The following MARCHF1 variants were observed in gnomAD, a reference collection of about 807,000 sequenced individuals.
The protein encoded by MARCHF1 is membrane associated ring-CH-type finger 1.
MARCHF1 carries 40 observed loss-of-function variants against 54.2 expected under a neutral mutation model. That is an observed-to-expected ratio of 0.74 (90% CI 0.57 to 0.96). MARCHF1 has a LOEUF of 0.96. MARCHF1 is among the 40% of genes least tolerant of loss of function. MARCHF1 has a pLI of 0.00. For synonymous variants in MARCHF1, 236 were observed against 236.3 expected (o/e 1.00, Z 0.01); for missense variants, 586 against 656.5 (o/e 0.89, Z 1.17).
intron 9 of MARCHF1, among the ~76,000 whole-genome samples, chr4:163,535,765 T>C (rs1738508883): frequency 3.3e-5 from 5 of 151,948 alleles, no homozygotes; most frequent in Admixed American, 3.3e-4. Flanking sequence ...TTTTTTTTTT[T>C]TTCTTAAGTT....
intron 8 of MARCHF1, among the ~76,000 whole-genome samples, chr4:163,569,472 T>A (rs941691451): frequency 2.0e-5 from 3 of 152,210 alleles, no homozygotes; most frequent in African/African-American, 7.2e-5. Flanking sequence ...TAACTTATAG[T>A]GTAAACATAC....
intron 1 of MARCHF1, among the ~76,000 whole-genome samples, chr4:164,330,367 A>G (rs1376355483): frequency 6.6e-6 from 1 of 151,990 alleles, no homozygotes; most frequent in Non-Finnish European, 1.5e-5. Context: ...GTTAGGAAGA[A>G]ATTCCGAAGT....
intron 4 of MARCHF1, among the ~76,000 whole-genome samples, chr4:163,774,145 G>A (rs1028226848): frequency 1.3e-5 from 2 of 152,046 alleles, no homozygotes; most frequent in African/African-American, 4.8e-5. Context: ...CATATAACCT[G>A]TGCATATCCT....
intron 2 of MARCHF1, among the ~76,000 whole-genome samples, chr4:164,031,920 T>C (rs1241191239): frequency 6.6e-6 from 1 of 152,222 alleles, no homozygotes; most frequent in African/African-American, 2.4e-5. Flanking sequence ...CAGCTCCTCT[T>C]TGTACCTCTG....
intron 1 of MARCHF1, among the ~76,000 whole-genome samples, chr4:164,150,698 T>C (rs1729910586): frequency 1.3e-5 from 2 of 152,138 alleles, no homozygotes; most frequent in South Asian, 4.1e-4. Context: ...GACATGAAAA[T>C]AGAATAGTTC....
chr4:164,209,253 T>G (rs1037618728), intron 1 of MARCHF1, among the ~76,000 whole-genome samples: 1 of 152,122 alleles, frequency 6.6e-6, no homozygotes, highest in Non-Finnish European at 1.5e-5. Flanking sequence ...CTCCTCCAAA[T>G]AGTAATTCAG....
chr4:163,975,196 T>TCA (rs1176500866), intron 3 of MARCHF1, among the ~76,000 whole-genome samples: 71 of 119,232 alleles, frequency 6.0e-4, no homozygotes, highest in African/African-American at 2.3e-3. Context: ...TCTCTCTCTC[T>TCA]CACACACACA....
At chr4:163,984,109 A>G (rs1160320189) in intron 3 of MARCHF1, among the ~76,000 whole-genome samples, 1 of 152,110 alleles carries the variant, frequency 6.6e-6, no homozygotes, top group African/African-American at 2.4e-5. Context: ...CTCTACCAAA[A>G]GAGATTCCCC....
At chr4:164,086,359 CT>C (rs1212963610) in intron 2 of MARCHF1, among the ~76,000 whole-genome samples, 1 of 151,786 alleles carries the variant, frequency 6.6e-6, no homozygotes, top group Admixed American at 6.6e-5. Flanking sequence ...TTGAGGAAAA[CT>C]TTTGTTTCAA....
At chr4:164,116,348 T>C (rs1033887343) in intron 1 of MARCHF1, among the ~76,000 whole-genome samples, 1 of 152,188 alleles carries the variant, frequency 6.6e-6, no homozygotes, top group Non-Finnish European at 1.5e-5. Flanking sequence ...GTCTGCAAAC[T>C]TTTTTCATAA....
intron 1 of MARCHF1, among the ~76,000 whole-genome samples, chr4:164,229,118 CG>C (rs1251988758): frequency 2.0e-5 from 3 of 152,100 alleles, no homozygotes; most frequent in African/African-American, 7.2e-5. Context: ...CTTTTATCAA[CG>C]GAAGTATTAC....
intron 2 of MARCHF1, among the ~76,000 whole-genome samples, chr4:164,083,748 C>A (rs1217686299): frequency 6.6e-6 from 1 of 151,986 alleles, no homozygotes; most frequent in Admixed American, 6.6e-5. Context: ...CCCAATTCTG[C>A]TTCAGTCACA....
Position 163,983,593 on chromosome 4 carries a change from G to A in MARCHF1, c.-39+4908C>T, listed in dbSNP as rs139703983. ...TTTACTCTTTGGGGATAATAATTTG[G>A]TGTCTGAAAAAAAGATTGCTAAATG... is the stretch of plus-strand genomic sequence containing the variant. On this transcript the variant is annotated intron_variant, in intron 3 of 9. Coordinates refer to ENST00000514618, the MANE Select transcript of MARCHF1 (RefSeq NM_001394959.1). Among the ~76,000 whole-genome samples the A allele has an allele frequency of 1.0e-2, 1,519 of 152,192 alleles. 22 individuals are homozygous for A. Among genetic ancestry groups the A allele is most frequent in the African/African-American group, 0.031 (1,303 of 41,534 alleles).
At chr4:163,830,604 A>G (rs1357729398) in intron 4 of MARCHF1, among the ~76,000 whole-genome samples, 1 of 152,024 alleles carries the variant, frequency 6.6e-6, no homozygotes, top group East Asian at 1.9e-4. Flanking sequence ...CTAGGTGCAA[A>G]TTAAGTCCTA....
chr4:164,039,352 T>G (rs1448125292), intron 2 of MARCHF1, among the ~76,000 whole-genome samples: 1 of 152,192 alleles, frequency 6.6e-6, no homozygotes, highest in Non-Finnish European at 1.5e-5. Context: ...CCAATAAAGT[T>G]ACACAGAAAG....
intron 4 of MARCHF1, among the ~76,000 whole-genome samples, chr4:163,738,564 C>G (rs1746112990): frequency 6.6e-6 from 1 of 152,102 alleles, no homozygotes; most frequent in South Asian, 2.1e-4. Flanking sequence ...TATTAAATAC[C>G]AAAATAGGTC....
intron 1 of MARCHF1, among the ~76,000 whole-genome samples, chr4:164,288,116 T>C (rs1200930987): frequency 6.6e-6 from 1 of 152,024 alleles, no homozygotes; most frequent in African/African-American, 2.4e-5. Flanking sequence ...ATCCACATGG[T>C]TCAAAATCCT....
At chr4:163,678,512 C>T (rs188916714) in intron 5 of MARCHF1, among the ~76,000 whole-genome samples, 1 of 152,258 alleles carries the variant, frequency 6.6e-6, no homozygotes, top group East Asian at 1.9e-4. Context: ...GTCAGGCAGA[C>T]TCCTTTAAGG....
At chr4:163,879,189 C>G (rs1298719952) in intron 3 of MARCHF1, among the ~76,000 whole-genome samples, 3 of 152,066 alleles carry the variant, frequency 2.0e-5, no homozygotes, top group Non-Finnish European at 4.4e-5. Flanking sequence ...GAAAAGGGTC[C>G]TAGAGATTGC....
Sources: gnomAD v4.1 joint callset for allele counts (sites outside exome capture counted in the v4.1 genomes callset) on GRCh38, gnomAD v4.1.1 for gene constraint, MANE v1.5 for transcripts, NCBI Gene and HGNC (gene_info 2026-07-23, HGNC 2026-07-21) for gene names.